The following PITPNB variants were observed in gnomAD, a reference collection of about 807,000 sequenced individuals.
PITPNB encodes phosphatidylinositol transfer protein beta isoform.
PITPNB carries 16 observed loss-of-function variants against 45.9 expected under a neutral mutation model. The observed-to-expected ratio is 0.35, with a 90% confidence interval of 0.24 to 0.53. PITPNB has a LOEUF of 0.53. PITPNB is among the 20% of genes least tolerant of loss of function. The pLI, the probability that PITPNB is intolerant of heterozygous loss-of-function variation, is 0.93. For synonymous variants in PITPNB, 112 were observed against 108.9 expected, an observed-to-expected ratio of 1.03 and a Z score of -0.18; for missense variants, 188 against 330.5, an observed-to-expected ratio of 0.57 and a Z score of 3.34.
chr22:27,901,381 G>A (rs1935588676), intron 3 of PITPNB, among the ~76,000 whole-genome samples: 1 of 152,048 alleles, frequency 6.6e-6, no homozygotes, highest in Non-Finnish European at 1.5e-5. Flanking sequence ...AACCACACAA[G>A]CAAGACAACT....
intron 7 of PITPNB, among the ~76,000 whole-genome samples, chr22:27,886,303 G>A (rs1197117011): frequency 6.6e-6 from 1 of 152,170 alleles, no homozygotes; most frequent in Non-Finnish European, 1.5e-5. Context: ...ACAGAGAACA[G>A]TGGCTAAAGC....
At chr22:27,871,969 C>G (rs1988867726) in intron 8 of PITPNB, among the ~76,000 whole-genome samples, 2 of 151,756 alleles carry the variant, frequency 1.3e-5, no homozygotes, top group Admixed American at 1.3e-4. Context: ...ATGTGAGACG[C>G]CTGCTTCTCC....
chr22:27,902,545 T>C (rs1174483671), intron 3 of PITPNB, among the ~76,000 whole-genome samples: 1 of 152,104 alleles, frequency 6.6e-6, no homozygotes, highest in South Asian at 2.1e-4. Context: ...TTGCAAAAAT[T>C]AACTCAAAAT....
chr22:27,903,810 T>C (rs368297337), intron 3 of PITPNB, among the ~76,000 whole-genome samples: 1 of 137,596 alleles, frequency 7.3e-6, no homozygotes, highest in African/African-American at 2.7e-5. Context: ...AAAAAGAAAG[T>C]GGGGGTACAA....
intron 2 of PITPNB, among the ~76,000 whole-genome samples, chr22:27,911,554 T>C (rs1332359269): frequency 2.6e-5 from 4 of 152,224 alleles, no homozygotes; most frequent in Non-Finnish European, 5.9e-5. Flanking sequence ...GCAACCAGCA[T>C]ATTGCTCTTA....
intron 6 of PITPNB, 120 bp downstream of exon 6, chr22:27,896,432 G>C (rs1307992836): frequency 6.7e-5 from 49 of 729,200 alleles, no homozygotes; most frequent in Non-Finnish European, 1.0e-4. Flanking sequence ...ATCTCAATTT[G>C]ACACAGCTTG....
chr22:27,874,954 T>C (rs560139411), intron 7 of PITPNB, among the ~76,000 whole-genome samples: 1 of 152,344 alleles, frequency 6.6e-6, no homozygotes, highest in East Asian at 1.9e-4. Flanking sequence ...GAACTGAACA[T>C]GCTCCACAGT....
chr22:27,887,923 T>C (rs1414038906), intron 7 of PITPNB, among the ~76,000 whole-genome samples: 2 of 152,162 alleles, frequency 1.3e-5, no homozygotes, highest in Non-Finnish European at 2.9e-5. Flanking sequence ...TGATCTCTTA[T>C]GCAGCAACAG....
intron 8 of PITPNB, among the ~76,000 whole-genome samples, chr22:27,861,528 G>T (rs771057147): frequency 3.9e-5 from 6 of 152,208 alleles, no homozygotes; most frequent in Non-Finnish European, 7.3e-5. Context: ...GGTGATGTGT[G>T]CAGAAGACCA....
chr22:27,857,446 C>T (rs936167607), intron 10 of PITPNB, among the ~76,000 whole-genome samples: 1 of 152,286 alleles, frequency 6.6e-6, no homozygotes, highest in East Asian at 1.9e-4. Context: ...CTTTACGATG[C>T]TATGTGCCAG....
chr22:27,853,470 C>A lies in PITPNB; in HGVS notation c.*232G>T. On this transcript the variant is annotated 3_prime_UTR_variant, in exon 12 of 12. Transcript: ENST00000335272. Reference sequence around the variant, plus strand: ...AGTGTGTGTATCTGGATCTGTAGCTCTACATGCGCTTTATATACAGCTACA... The same window carrying A: ...AGTGTGTGTATCTGGATCTGTAGCTATACATGCGCTTTATATACAGCTACA... The A allele has an allele frequency of 1.5e-6, 1 of 659,128 alleles. No individual in the cohort carries two copies. The highest frequency in any genetic ancestry group is 2.7e-6 in the Non-Finnish European group (1 of 366,174). 40.8% of individuals were successfully genotyped at this position (659,128 alleles called of 1,614,324 possible). A position where few individuals can be genotyped will look rare whatever the true frequency, so the allele number is the denominator to read the frequency against.
intron 7 of PITPNB, among the ~76,000 whole-genome samples, chr22:27,887,851 G>C (rs1237135288): frequency 1.3e-5 from 2 of 152,082 alleles, no homozygotes; most frequent in Non-Finnish European, 2.9e-5. Context: ...AAGGTAATGG[G>C]AGGCCATTCC....
chr22:27,904,480 A>C (rs944051628), intron 3 of PITPNB, among the ~76,000 whole-genome samples: 15 of 152,236 alleles, frequency 9.9e-5, no homozygotes, highest in Non-Finnish European at 1.8e-4. Flanking sequence ...AGTGGGTAAT[A>C]GTCAGTGACT....
At position 27,919,203 on chromosome 22, in the gene PITPNB, C is replaced by A. The variant is rs778022753; in HGVS notation, c.-12G>T. ...TTGATCAGCACCATCTTCCCGGAAC[C>A]CCCTCACAGCTGCCGCCGATACCAC... On this transcript the variant is annotated 5_prime_UTR_variant, in exon 1 of 12. Coordinates refer to ENST00000335272, the MANE Select transcript of PITPNB (RefSeq NM_012399.5). The A allele has an allele frequency of 1.2e-6, 2 of 1,612,198 alleles. No individual in the cohort carries two copies. The highest frequency in any genetic ancestry group is 2.2e-5 in the South Asian group (2 of 91,070).
At chr22:27,884,707 C>T (rs1017289410) in intron 7 of PITPNB, among the ~76,000 whole-genome samples, 1 of 152,184 alleles carries the variant, frequency 6.6e-6, no homozygotes, top group Non-Finnish European at 1.5e-5. Flanking sequence ...GGAAAAATTT[C>T]ATTCTCTCTT....
intron 6 of PITPNB, among the ~76,000 whole-genome samples, chr22:27,896,096 G>C (rs1435687947): frequency 6.6e-6 from 1 of 152,168 alleles, no homozygotes; most frequent in Non-Finnish European, 1.5e-5. Context: ...ATTTTTGTAA[G>C]TTATTCAAGT....
intron 2 of PITPNB, among the ~76,000 whole-genome samples, chr22:27,911,995 A>T (rs192974703): frequency 1.7e-3 from 255 of 152,290 alleles, no homozygotes; most frequent in Non-Finnish European, 3.0e-3. Context: ...TGTTACAGTG[A>T]CCCAACTGTG....
intron 7 of PITPNB, among the ~76,000 whole-genome samples, chr22:27,890,013 T>G (rs183756493): frequency 6.6e-6 from 1 of 152,232 alleles, no homozygotes; most frequent in Admixed American, 6.5e-5. Flanking sequence ...AAACACTAAC[T>G]AGTCAAGGCC....
intron 3 of PITPNB, 197 bp from the exon 4 acceptor site, chr22:27,898,089 T>C (rs1935485492): frequency 3.8e-6 from 2 of 533,190 alleles, no homozygotes; most frequent in Non-Finnish European, 6.7e-6. Context: ...TGATTAAGAA[T>C]ATTTAGCTGG....
Sources: gnomAD v4.1 joint callset for allele counts (sites outside exome capture counted in the v4.1 genomes callset) on GRCh38, gnomAD v4.1.1 for gene constraint, MANE v1.5 for transcripts, NCBI Gene and HGNC (gene_info 2026-07-23, HGNC 2026-07-21) for gene names.